DHX30: variants seen among roughly 807,000 people sequenced by gnomAD.
DHX30 encodes the protein DExH-box helicase 30.
A neutral mutation model predicts 116.9 loss-of-function variants in DHX30; 4 were observed. That is an observed-to-expected ratio of 0.03 (90% CI 0.02 to 0.08). The LOEUF is 0.08. Ranked by LOEUF, DHX30 falls within the 10% of genes least tolerant of loss-of-function variation. The pLI, the probability that DHX30 is intolerant of heterozygous loss-of-function variation, is 1.00. For missense variants in DHX30, 871 were observed against 1,595.1 expected, an observed-to-expected ratio of 0.55 and a Z score of 7.73; for synonymous variants, 697 against 651.7, an observed-to-expected ratio of 1.07 and a Z score of -1.06.
chr3:47,810,844 A>G (rs370454446), intron 3 of DHX30, 133 bp downstream of exon 3: 1 of 894,470 alleles, frequency 1.1e-6, no homozygotes, highest in Non-Finnish European at 1.8e-6. Context: ...GGCCTTTCCT[A>G]TAGCCTTCCT....
At chr3:47,841,825 G>A in intron 8 of DHX30, 88 bp downstream of exon 8, 1 of 1,583,980 alleles carries the variant, frequency 6.3e-7, no homozygotes, top group East Asian at 2.2e-5. Context: ...AGAGGGCTGA[G>A]GGGGTGTGTT....
rs765438595 is a variant in DHX30 at position 47,849,172 on chromosome 3, C to T, written c.2930-20C>T. 2 of 1,613,654 alleles carry T rather than the reference C, an allele frequency of 1.2e-6. No homozygotes were observed. The highest frequency in any genetic ancestry group is 1.3e-5 in the African/African-American group (1 of 75,048). On this transcript the variant is annotated intron_variant, in intron 18 of 21. Coordinates refer to ENST00000445061, the MANE Select transcript of DHX30 (RefSeq NM_138615.3). ...CTGTGGCTAGGGGCTGTAGGTCCAC[C>T]ACACATTCTGTCTCCCTAGGACTCA...
chr3:47,848,380 G>C lies in DHX30; in HGVS notation c.2487G>C (p.Glu829Asp). Residue 829 changes from glutamate to aspartate, a missense_variant, in exon 15 of 22, where the codon GAG (glutamate) becomes GAC (aspartate). Transcript: ENST00000445061. The surrounding 1 kb of genome is among the most constrained non-coding windows in gnomAD (Gnocchi z 9.4). ...TGCAAGCGAAAATCCACATGCCTGA[G>C]AAGACGGTGCGGCGGGGCGGGGCAG... The part of the protein sequence containing the change: ...LVLQAKIHMP[E>D]KTAVEFLSKA... 6.2e-7 allele frequency: 1 copy of C among 1,614,164 alleles called. No individual in the cohort carries two copies. Among genetic ancestry groups the C allele is most frequent in the Non-Finnish European group, 8.5e-7 (1 of 1,180,044 alleles).
chr3:47,823,964 C>T (rs544398537), intron 4 of DHX30, among the ~76,000 whole-genome samples: 1 of 147,930 alleles, frequency 6.8e-6, no homozygotes, highest in South Asian at 2.2e-4. Flanking sequence ...AGACTGTTGT[C>T]TCCTTCAGCT....
intron 2 of DHX30, among the ~76,000 whole-genome samples, chr3:47,809,014 G>A (rs2106936337): frequency 6.6e-6 from 1 of 152,030 alleles, no homozygotes; most frequent in South Asian, 2.1e-4. Flanking sequence ...CCAGCCTCCC[G>A]AGTAGCTGAG....
intron 6 of DHX30, among the ~76,000 whole-genome samples, chr3:47,833,638 T>C (rs1269392427): frequency 6.7e-6 from 1 of 150,242 alleles, no homozygotes; most frequent in Admixed American, 6.7e-5. Context: ...GGCTGGCGGA[T>C]CACGAGGTCA....
chr3:47,805,855 T>G (rs2035490044), intron 2 of DHX30, among the ~76,000 whole-genome samples: 2 of 152,174 alleles, frequency 1.3e-5, no homozygotes, highest in African/African-American at 4.8e-5. Context: ...GGGTATCATT[T>G]TTAGTCATTG....
intron 6 of DHX30, among the ~76,000 whole-genome samples, 180 bp downstream of exon 6, chr3:47,829,314 A>ATATATATATTT (rs1177077114): frequency 1.8e-4 from 6 of 34,190 alleles, no homozygotes; most frequent in Admixed American, 6.4e-4. Flanking sequence ...ATATATATAT[A>ATATATATATTT]TTTTTTTTTT....
chr3:47,836,637 GC>G (rs2037130854), intron 6 of DHX30, among the ~76,000 whole-genome samples: 1 of 152,094 alleles, frequency 6.6e-6, no homozygotes, highest in South Asian at 2.1e-4. Flanking sequence ...TCCTGCCTCA[GC>G]CTCCCGAGTA....
At chr3:47,804,252 T>C (rs2035422279) in intron 1 of DHX30, among the ~76,000 whole-genome samples, 1 of 152,184 alleles carries the variant, frequency 6.6e-6, no homozygotes, top group Non-Finnish European at 1.5e-5. Context: ...TTTATGTAGC[T>C]GTGATACAAA....
intron 8 of DHX30, 54 bp from the exon 9 acceptor site, chr3:47,843,052 A>C: frequency 6.2e-7 from 1 of 1,601,384 alleles, no homozygotes; most frequent in Non-Finnish European, 8.5e-7. Flanking sequence ...GAATGCCCCA[A>C]GTCTCTTCCC....
chr3:47,849,057 A>G lies in DHX30; in HGVS notation c.2907A>G (p.Ala969=). 1.9e-6 allele frequency: 3 copies of G among 1,611,438 alleles called. No homozygotes were observed. Among genetic ancestry groups the G allele is most frequent in the Middle Eastern group, 1.7e-4 (1 of 6,050 alleles). The change falls in exon 18 of 22, where the codon GCA becomes GCG. Residue 969 remains alanine (A), a synonymous_variant. Transcript: ENST00000445061. ...ENYLEENLLY[A]PSLRFIHGLI... ...ACCTGGAGGAAAACCTGCTGTACGC[A>G]CCCAGCCTGCGCTTCATCCACGGTC...
chr3:47,808,725 G>A (rs778682565), intron 2 of DHX30, among the ~76,000 whole-genome samples: 2 of 150,902 alleles, frequency 1.3e-5, no homozygotes, highest in Non-Finnish European at 2.9e-5. Flanking sequence ...ACAGGCATGC[G>A]CCACCACAGC....
chr3:47,829,305 TATATATA>T (rs1274791402), intron 6 of DHX30, among the ~76,000 whole-genome samples, 171 bp downstream of exon 6: 2 of 41,112 alleles, frequency 4.9e-5, no homozygotes, highest in Non-Finnish European at 1.2e-4. Context: ...TATATATATA[TATATATA>T]TATTTTTTTT....
At chr3:47,805,544 T>C (rs572829738) in intron 2 of DHX30, 124 bp downstream of exon 2, 9 of 392,530 alleles carry the variant, frequency 2.3e-5, no homozygotes, top group African/African-American at 1.6e-4. Flanking sequence ...TTATTTTATT[T>C]TGTTTTATTT....
chr3:47,839,084 T>G (rs2037246541), intron 6 of DHX30, among the ~76,000 whole-genome samples: 1 of 151,902 alleles, frequency 6.6e-6, no homozygotes, highest in African/African-American at 2.4e-5. Flanking sequence ...GGACCAGGTC[T>G]TGTCTCTCCT....
Position 47,847,851 on chromosome 3 carries a change from T to C in DHX30, c.2181T>C (p.Ile727=). The change falls in exon 14 of 22, where the codon ATT becomes ATC. Residue 727 remains isoleucine (I), a synonymous_variant. Coordinates refer to ENST00000445061, the MANE Select transcript of DHX30 (RefSeq NM_138615.3). The surrounding 1 kb of genome is among the most constrained non-coding windows in gnomAD (Gnocchi z 5.5). ...FQQPPVGVRK[I]VLATNIAETS... The stretch of plus-strand genomic sequence containing the variant: ...AGCCTCCAGTTGGGGTGCGCAAGAT[T>C]GTCTTGGCCACCAACATTGCTGAGA... The C allele has an allele frequency of 6.2e-7, 1 of 1,614,110 alleles. No individual in the cohort carries two copies. The highest frequency in any genetic ancestry group is 8.5e-7 in the Non-Finnish European group (1 of 1,180,030).
chr3:47,848,580 G>GGGAGT lies in DHX30; in HGVS notation c.2575+33_2575+37dup, dbSNP rs2037723780. 6.2e-7 allele frequency: 1 copy of GGGAGT among 1,613,950 alleles called. No homozygotes were observed. Among genetic ancestry groups the GGGAGT allele is most frequent in the African/African-American group, 1.3e-5 (1 of 74,894 alleles). On this transcript the variant is annotated intron_variant, in intron 16 of 21. Coordinates refer to ENST00000445061, the MANE Select transcript of DHX30 (RefSeq NM_138615.3). The surrounding 1 kb of genome is among the most constrained non-coding windows in gnomAD (Gnocchi z 9.4). ...GTAGGGGCTGGGCTGGGCTGGGCTG[G>GGGAGT]GGAGTGGCTCTCGAGGGTGGTACTG...
Position 47,847,147 on chromosome 3 carries a change from T to C in DHX30, c.1930-126T>C. 6.8e-7 allele frequency: 1 copy of C among 1,477,388 alleles called. No individual in the cohort carries two copies. The highest frequency in any genetic ancestry group is 1.2e-5 in the South Asian group (1 of 82,662). The allele number at this position is 1,477,388 out of a possible 1,614,324, so 91.5% of individuals were successfully genotyped here. On this transcript the variant is annotated intron_variant, in intron 11 of 21. Transcript: ENST00000445061. The surrounding 1 kb of genome is among the most constrained non-coding windows in gnomAD (Gnocchi z 5.5). ...ATAGAAACTGGGGACTAACCCTGCC[T>C]GCGTGGCACACGTGAGGATTGGAGT... is the stretch of plus-strand genomic sequence containing the variant.
Sources: allele counts gnomAD v4.1 joint callset (sites outside exome capture counted in the v4.1 genomes callset), GRCh38; gene constraint gnomAD v4.1.1; non-coding constraint Gnocchi (gnomAD v3.1); transcripts MANE v1.5; gene names NCBI Gene and HGNC (gene_info 2026-07-23, HGNC 2026-07-21).